SYN2: variants seen among roughly 807,000 people sequenced by gnomAD.
SYN2 encodes the protein synapsin-2.
Under a neutral mutation model 50.9 loss-of-function variants are expected in SYN2, and 19 were observed. The ratio of observed to expected loss-of-function variants is 0.37; its 90% CI spans 0.26 to 0.55. The LOEUF is 0.55. Among genes scored for constraint, SYN2 ranks in the 20% least tolerant of loss-of-function variants. The pLI is 0.81. For synonymous variants in SYN2, 255 were observed against 224.9 expected, an observed-to-expected ratio of 1.13 and a Z score of -1.20; for missense variants, 587 against 576.4, an observed-to-expected ratio of 1.02 and a Z score of -0.19.
At chr3:12,012,687 C>T (rs1693941566) in intron 1 of SYN2, among the ~76,000 whole-genome samples, 2 of 152,142 alleles carry the variant, frequency 1.3e-5, no homozygotes, top group Non-Finnish European at 2.9e-5. Context: ...CTTACCTTAA[C>T]GTTGATTTTC....
intron 7 of SYN2, 33 bp downstream of exon 7, chr3:12,162,187 T>G (rs1272164750): frequency 6.2e-7 from 1 of 1,605,904 alleles, no homozygotes; most frequent in Non-Finnish European, 8.5e-7. Context: ...TTCTCCTCAG[T>G]GATGATGGAA....
chr3:12,107,897 G>A (rs1696229958), intron 1 of SYN2, among the ~76,000 whole-genome samples: 1 of 152,104 alleles, frequency 6.6e-6, no homozygotes, highest in African/African-American at 2.4e-5. Context: ...TTTGGGAAAG[G>A]CTCATTTCTT....
intron 1 of SYN2, among the ~76,000 whole-genome samples, chr3:12,048,199 G>A (rs1211458463): frequency 6.6e-6 from 1 of 152,178 alleles, no homozygotes; most frequent in African/African-American, 2.4e-5. Flanking sequence ...TTTTGAGACA[G>A]GGTCTTGCTC....
chr3:12,106,624 T>A (rs538971086), intron 1 of SYN2, among the ~76,000 whole-genome samples: 1 of 152,308 alleles, frequency 6.6e-6, no homozygotes, highest in South Asian at 2.1e-4. Flanking sequence ...ACAATCTTAT[T>A]CATGTTTAAA....
chr3:12,177,403 G>C (rs1022029107), intron 10 of SYN2, among the ~76,000 whole-genome samples: 1 of 152,178 alleles, frequency 6.6e-6, no homozygotes, highest in Admixed American at 6.5e-5. Context: ...GCCCATGAAA[G>C]CCAAAAGATT....
intron 1 of SYN2, among the ~76,000 whole-genome samples, chr3:12,105,956 C>T (rs1031290701): frequency 1.3e-5 from 2 of 152,084 alleles, no homozygotes; most frequent in African/African-American, 4.8e-5. Context: ...TTTATTAACT[C>T]ACAGTTCCAT....
chr3:12,036,605 C>T (rs919752468), intron 1 of SYN2, among the ~76,000 whole-genome samples: 6 of 152,212 alleles, frequency 3.9e-5, no homozygotes, highest in Non-Finnish European at 8.8e-5. Flanking sequence ...GGAAACCATT[C>T]TGCCCTCCTA....
At chr3:12,083,193 G>T (rs762028412) in intron 1 of SYN2, among the ~76,000 whole-genome samples, 3 of 152,064 alleles carry the variant, frequency 2.0e-5, no homozygotes, top group Non-Finnish European at 2.9e-5. Context: ...TGTATTTTTC[G>T]TAGAGACAGG....
intron 10 of SYN2, among the ~76,000 whole-genome samples, chr3:12,173,549 CCA>C (rs1697983843): frequency 6.6e-6 from 1 of 152,144 alleles, no homozygotes; most frequent in African/African-American, 2.4e-5. Context: ...CTCCCTTTTA[CCA>C]CATTTTCTCT....
At chr3:12,128,181 G>C (rs1255161897) in intron 1 of SYN2, among the ~76,000 whole-genome samples, 1 of 152,142 alleles carries the variant, frequency 6.6e-6, no homozygotes, top group Non-Finnish European at 1.5e-5. Flanking sequence ...CTGGACTCAA[G>C]TAATCCTCCC....
chr3:12,189,300 G>C (rs1698403890), intron 12 of SYN2, among the ~76,000 whole-genome samples: 1 of 152,212 alleles, frequency 6.6e-6, no homozygotes, highest in East Asian at 1.9e-4. Context: ...ATGGCCTTGT[G>C]CTTCATGGTT....
At chr3:12,054,445 C>T (rs1694944305) in intron 1 of SYN2, among the ~76,000 whole-genome samples, 1 of 152,086 alleles carries the variant, frequency 6.6e-6, no homozygotes, top group Non-Finnish European at 1.5e-5. Flanking sequence ...CTACATGAGT[C>T]CATCTAGAAT....
chr3:12,183,616 C>G, intron 11 of SYN2: 10 of 1,450,298 alleles, frequency 6.9e-6, no homozygotes, highest in Non-Finnish European at 8.1e-6. Flanking sequence ...TTTACCTGTT[C>G]CTGTTCGTGC....
Position 12,006,832 on chromosome 3 carries a change from T to C in SYN2, c.377+1904T>C, listed in dbSNP as rs547097868. The stretch of plus-strand genomic sequence containing the variant: ...TGTTTCAGGCAGTCAACAAATGGAG[T>C]GGTTAGTGAGAGCCAGAGTTATTGG... On this transcript the variant is annotated intron_variant, in intron 1 of 12. Transcript: ENST00000621198. 7.2e-5 allele frequency among the ~76,000 whole-genome samples: 11 copies of C among 152,148 alleles called. No homozygotes were observed. The East Asian group carries it at 2.1e-3, about 29-fold the overall frequency.
intron 1 of SYN2, among the ~76,000 whole-genome samples, chr3:12,132,398 T>C (rs1157892313): frequency 1.3e-5 from 2 of 152,238 alleles, no homozygotes; most frequent in Non-Finnish European, 2.9e-5. Context: ...TTAATTCATC[T>C]GAGCCTCATT....
chr3:12,080,116 G>A (rs950020661), intron 1 of SYN2, among the ~76,000 whole-genome samples: 5 of 152,022 alleles, frequency 3.3e-5, no homozygotes, highest in African/African-American at 1.2e-4. Flanking sequence ...TTCTCTGATG[G>A]TTGTTTGTAT....
intron 1 of SYN2, among the ~76,000 whole-genome samples, chr3:12,082,177 C>G (rs1000067342): frequency 1.3e-5 from 2 of 152,184 alleles, no homozygotes; most frequent in Admixed American, 1.3e-4. Context: ...AAGGGTCTTC[C>G]TCTGGTGGAG....
chr3:12,059,698 C>T (rs1351254486), intron 1 of SYN2, among the ~76,000 whole-genome samples: 3 of 152,130 alleles, frequency 2.0e-5, no homozygotes, highest in Non-Finnish European at 4.4e-5. Flanking sequence ...TTACTGTTAC[C>T]TTCTTGCTGT....
chr3:12,047,714 C>A (rs555346569), intron 1 of SYN2, among the ~76,000 whole-genome samples: 50 of 152,034 alleles, frequency 3.3e-4, no homozygotes, highest in African/African-American at 1.1e-3. Context: ...GACAGTGATT[C>A]TCAAACTTTA....
Sources: allele counts gnomAD v4.1 joint callset (sites outside exome capture counted in the v4.1 genomes callset), GRCh38; gene constraint gnomAD v4.1.1; transcripts MANE v1.5; gene names NCBI Gene and HGNC (gene_info 2026-07-23, HGNC 2026-07-21).